ADCY3: variants seen among roughly 807,000 people sequenced by gnomAD.
ADCY3 encodes adenylate cyclase 3, also known as adenylate cyclase type 3.
In ADCY3, 70 loss-of-function variants were observed where a neutral mutation model predicts 119.4. The ratio of observed to expected loss-of-function variants is 0.59; its 90% CI spans 0.48 to 0.72. ADCY3 has a LOEUF of 0.72. ADCY3 is among the 30% of genes least tolerant of loss of function. The pLI, the probability that ADCY3 is intolerant of heterozygous loss-of-function variation, is 0.00. For synonymous variants in ADCY3, 672 were observed against 621.4 expected (o/e 1.08, Z -1.21); for missense variants, 1,238 against 1,541.6 (o/e 0.80, Z 3.30).
intron 2 of ADCY3, among the ~76,000 whole-genome samples, chr2:24,884,747 G>A (rs138166226): frequency 0.059 from 9,002 of 152,142 alleles, 362 homozygotes; most frequent in Non-Finnish European, 0.089. Flanking sequence ...AAAGTGCTGG[G>A]ATTACAGGTG....
chr2:24,856,553 G>C (rs1370933168), intron 3 of ADCY3, among the ~76,000 whole-genome samples: 3 of 152,212 alleles, frequency 2.0e-5, no homozygotes, highest in Non-Finnish European at 4.4e-5. Flanking sequence ...GGAATGGAGA[G>C]AAGGACCAGG....
At chr2:24,833,758 C>T (rs1243901070) in intron 11 of ADCY3, among the ~76,000 whole-genome samples, 3 of 152,202 alleles carry the variant, frequency 2.0e-5, no homozygotes, top group Non-Finnish European at 4.4e-5. Context: ...CGTGAGTGTC[C>T]GCTAGGGCAG....
chr2:24,893,644 G>A (rs368021838), intron 2 of ADCY3, among the ~76,000 whole-genome samples: 14 of 149,398 alleles, frequency 9.4e-5, no homozygotes, highest in African/African-American at 3.2e-4. Flanking sequence ...TCACTCTGTC[G>A]CCCAGGCTGG....
At position 24,834,449 on chromosome 2, in the gene ADCY3, G is replaced by A. The variant is rs370973130; in HGVS notation, c.1967+36C>T. On this transcript the variant is annotated intron_variant, in intron 11 of 21. Transcript: ENST00000679454. The surrounding 1 kb of genome is among the most constrained non-coding windows in gnomAD (Gnocchi z 4.2). ...CCCCCCGCCCGGCACCACCGCAGCCGAGGAAACTCGTGGCCCTCCCCGGCC... is the reference window on the plus strand; with the variant it reads ...CCCCCCGCCCGGCACCACCGCAGCCAAGGAAACTCGTGGCCCTCCCCGGCC... 24 of 1,439,368 alleles carry A rather than the reference G, an allele frequency of 1.7e-5. No homozygotes were observed. The highest frequency in any genetic ancestry group is 4.7e-4 in the Middle Eastern group (2 of 4,216). 89.2% of individuals were successfully genotyped at this position (1,439,368 alleles called of 1,614,324 possible).
chr2:24,887,154 A>G (rs189622265), intron 2 of ADCY3, among the ~76,000 whole-genome samples: 32 of 152,040 alleles, frequency 2.1e-4, no homozygotes, highest in Admixed American at 7.2e-4. Flanking sequence ...GTCACAAAAC[A>G]CCTCCTTCAC....
chr2:24,861,079 C>T (rs1022036775), intron 3 of ADCY3, among the ~76,000 whole-genome samples: 6 of 152,070 alleles, frequency 3.9e-5, no homozygotes, highest in African/African-American at 4.8e-5. Flanking sequence ...GGTGAAACCC[C>T]GTCTGTACTA....
intron 2 of ADCY3, among the ~76,000 whole-genome samples, chr2:24,896,116 T>C (rs536956876): frequency 8.5e-5 from 13 of 152,364 alleles, no homozygotes; most frequent in South Asian, 4.1e-4. Flanking sequence ...CTGTGCACAG[T>C]GGCTCAAGCC....
intron 11 of ADCY3, among the ~76,000 whole-genome samples, chr2:24,832,896 G>A (rs1447410693): frequency 2.0e-5 from 3 of 152,012 alleles, no homozygotes; most frequent in African/African-American, 7.3e-5. Context: ...CTTGGTTAAC[G>A]GCACCCCCGT....
intron 14 of ADCY3, 47 bp from the exon 15 acceptor site, chr2:24,827,655 G>C: frequency 6.4e-7 from 1 of 1,553,374 alleles, no homozygotes; most frequent in African/African-American, 1.4e-5. Flanking sequence ...GGGAACAAGA[G>C]CCTGATGCCC....
chr2:24,906,182 C>T (rs1295728022), intron 2 of ADCY3, among the ~76,000 whole-genome samples: 1 of 152,148 alleles, frequency 6.6e-6, no homozygotes, highest in Non-Finnish European at 1.5e-5. Flanking sequence ...TGGTGCACGC[C>T]TGTAATCCCA....
At chr2:24,891,547 A>G (rs1289231959) in intron 2 of ADCY3, among the ~76,000 whole-genome samples, 1 of 152,254 alleles carries the variant, frequency 6.6e-6, no homozygotes, top group East Asian at 1.9e-4. Context: ...GATATGCCAA[A>G]GAGAAGCCAT....
At chr2:24,916,970 C>A (rs768885818) in intron 2 of ADCY3, among the ~76,000 whole-genome samples, 5 of 152,234 alleles carry the variant, frequency 3.3e-5, no homozygotes, top group Non-Finnish European at 7.3e-5. Context: ...GACAGTGAAC[C>A]AGTTATCACT....
At chr2:24,911,448 A>C (rs1663633803) in intron 2 of ADCY3, among the ~76,000 whole-genome samples, 1 of 151,074 alleles carries the variant, frequency 6.6e-6, no homozygotes, top group Non-Finnish European at 1.5e-5. Flanking sequence ...GGAGTTCGAG[A>C]CCAGCCTGGT....
intron 3 of ADCY3, among the ~76,000 whole-genome samples, chr2:24,866,683 T>C (rs1416105164): frequency 6.6e-6 from 1 of 151,664 alleles, no homozygotes; most frequent in Non-Finnish European, 1.5e-5. Flanking sequence ...AAAATAAATG[T>C]TTAATATATT....
At chr2:24,838,171 C>T (rs943082189) in intron 8 of ADCY3, among the ~76,000 whole-genome samples, 1 of 151,466 alleles carries the variant, frequency 6.6e-6, no homozygotes, top group African/African-American at 2.4e-5. Context: ...CTCTCCTGGG[C>T]GCCACCGACA....
chr2:24,844,583 G>C lies in ADCY3; in HGVS notation c.826-2199C>G, dbSNP rs992509703. Among the ~76,000 whole-genome samples the C allele has an allele frequency of 3.3e-5, 5 of 152,132 alleles. No individual in the cohort carries two copies. The South Asian group carries it at 1.0e-3, about 32-fold the overall frequency. On this transcript the variant is annotated intron_variant, in intron 3 of 21. Transcript: ENST00000679454. Reference sequence around the variant, plus strand: ...GTGAAGGCTCAACTCCACTCCTCTGGGTGGAGCTGCCAAGAGGTCCCCAGA... The same window carrying C: ...GTGAAGGCTCAACTCCACTCCTCTGCGTGGAGCTGCCAAGAGGTCCCCAGA...
At position 24,885,631 on chromosome 2, in the gene ADCY3, C is replaced by T. The variant is rs1016192095; in HGVS notation, c.676-12912G>A. Among the ~76,000 whole-genome samples, 6 of 152,208 alleles carry T rather than the reference C, an allele frequency of 3.9e-5. No individual in the cohort carries two copies. The South Asian group carries it at 1.2e-3, about 32-fold the overall frequency. On this transcript the variant is annotated intron_variant, in intron 2 of 21. Transcript: ENST00000679454. ...TCACTCTTGCTGCCACCACCTGGCT[C>T]ACACCCTTACTTCCCACAGGGCTGG... is the stretch of plus-strand genomic sequence containing the variant.
rs560091520 is a variant in ADCY3 at position 24,842,283 on chromosome 2, G to C, written c.927C>G (p.Thr309=). 258 of 1,614,132 alleles carry C rather than the reference G, an allele frequency of 1.6e-4. 3 individuals carry two copies. In the South Asian group the frequency reaches 2.7e-3, roughly 17 times the overall value. Reference sequence around the variant, plus strand: ...CGTTCTCGTGACGGTACATGTACATGGTGTTGAACTGCTGCTGGTCCTTCT... The same window carrying C: ...CGTTCTCGTGACGGTACATGTACATCGTGTTGAACTGCTGCTGGTCCTTCT... ...ESQKDQQQFN[T]MYMYRHENVS... is the part of the protein sequence containing the mutation. Residue 309 remains threonine (T), a synonymous_variant, in exon 4 of 22, where the codon ACC becomes ACG. Transcript: ENST00000679454. The surrounding 1 kb of genome is among the most constrained non-coding windows in gnomAD (Gnocchi z 4.9).
intron 2 of ADCY3, among the ~76,000 whole-genome samples, chr2:24,907,960 C>G (rs1663086457): frequency 6.6e-6 from 1 of 151,938 alleles, no homozygotes; most frequent in Non-Finnish European, 1.5e-5. Flanking sequence ...TTCCACTGCA[C>G]TCCAGCCTGG....
Sources: gnomAD v4.1 joint callset for allele counts (sites outside exome capture counted in the v4.1 genomes callset) on GRCh38, gnomAD v4.1.1 for gene constraint, Gnocchi (gnomAD v3.1) non-coding constraint, MANE v1.5 for transcripts, NCBI Gene and HGNC (gene_info 2026-07-23, HGNC 2026-07-21) for gene names.